The following STARD13 variants were observed in gnomAD, a reference collection of about 807,000 sequenced individuals.
STARD13 encodes the protein StAR related lipid transfer domain containing 13, also known as stAR-related lipid transfer protein 13.
Under a neutral mutation model 106.4 loss-of-function variants are expected in STARD13, and 62 were observed. The observed-to-expected ratio is 0.58, with a 90% CI of 0.48 to 0.72. STARD13 has a LOEUF of 0.72. Among genes scored for constraint, STARD13 ranks in the 30% least tolerant of loss-of-function variants. The pLI is 0.00. For synonymous variants in STARD13, 565 were observed against 553.0 expected (o/e 1.02, Z -0.31); for missense variants, 1,387 against 1,424.0 (o/e 0.97, Z 0.42).
At chr13:33,325,883 A>G (rs1052040836) in intron 1 of STARD13, among the ~76,000 whole-genome samples, 8 of 150,330 alleles carry the variant, frequency 5.3e-5, no homozygotes, top group African/African-American at 9.8e-5. Context: ...TACTTGGGAG[A>G]CTGAGGCAGG....
chr13:33,392,724 C>T, the STARD13 span, among the ~76,000 whole-genome samples: 20 of 152,292 alleles, frequency 1.3e-4, no homozygotes, highest in East Asian at 1.7e-3. Flanking sequence ...TACATTTATT[C>T]TATCACATCA....
At chr13:33,495,935 A>C in the STARD13 span, among the ~76,000 whole-genome samples, 1 of 143,704 alleles carries the variant, frequency 7.0e-6, no homozygotes, top group African/African-American at 2.5e-5. Flanking sequence ...ATTATTGTAT[A>C]TAATTATATT....
At chr13:33,626,372 A>C in the STARD13 span, among the ~76,000 whole-genome samples, 1 of 152,192 alleles carries the variant, frequency 6.6e-6, no homozygotes, top group African/African-American at 2.4e-5. Flanking sequence ...TTAGCTATAC[A>C]TGAATCTAAT....
chr13:33,663,105 G>T, the STARD13 span, among the ~76,000 whole-genome samples: 2 of 152,034 alleles, frequency 1.3e-5, no homozygotes, highest in South Asian at 2.1e-4. Flanking sequence ...TGGAGATAGG[G>T]TCTCATTCTG....
At chr13:33,638,842 G>T in the STARD13 span, among the ~76,000 whole-genome samples, 5 of 152,048 alleles carry the variant, frequency 3.3e-5, no homozygotes, top group African/African-American at 1.2e-4. Context: ...TTTATTTTTG[G>T]TTTATAATTT....
At chr13:33,480,622 T>A in the STARD13 span, among the ~76,000 whole-genome samples, 1 of 152,148 alleles carries the variant, frequency 6.6e-6, no homozygotes, top group Non-Finnish European at 1.5e-5. Flanking sequence ...AGAAGTACAC[T>A]GTAGTACTAA....
the STARD13 span, among the ~76,000 whole-genome samples, chr13:33,538,970 C>T: frequency 6.6e-6 from 1 of 152,048 alleles, no homozygotes; most frequent in Non-Finnish European, 1.5e-5. Flanking sequence ...GGGGTTTCAC[C>T]GTGTTTGCCA....
intron 1 of STARD13, among the ~76,000 whole-genome samples, chr13:33,266,960 G>A (rs558407058): frequency 4.6e-5 from 7 of 152,202 alleles, no homozygotes; most frequent in Middle Eastern, 6.8e-3. Context: ...GAGCTGATGC[G>A]GAAAAAGTGG....
chr13:33,425,520 T>C, the STARD13 span, among the ~76,000 whole-genome samples: 1 of 152,128 alleles, frequency 6.6e-6, no homozygotes, highest in Admixed American at 6.5e-5. Flanking sequence ...GGAGGTACAT[T>C]TTTGTTTATT....
chr13:33,291,167 C>T (rs554468002), intron 1 of STARD13, among the ~76,000 whole-genome samples: 9 of 152,184 alleles, frequency 5.9e-5, no homozygotes, highest in African/African-American at 1.7e-4. Context: ...CCACAGAGGA[C>T]CCCAAGCTAT....
the STARD13 span, among the ~76,000 whole-genome samples, chr13:33,641,002 C>A: frequency 6.6e-6 from 1 of 152,108 alleles, no homozygotes; most frequent in Non-Finnish European, 1.5e-5. Flanking sequence ...GGGAATTGTT[C>A]ATCTTTAGGC....
intron 1 of STARD13, among the ~76,000 whole-genome samples, chr13:33,252,052 C>T (rs1471036561): frequency 1.3e-5 from 2 of 152,206 alleles, no homozygotes; most frequent in Non-Finnish European, 2.9e-5. Context: ...AAATAAGATA[C>T]TCCTATCATT....
At chr13:33,113,128 G>C (rs1874861544) in intron 8 of STARD13, 197 bp from the exon 9 acceptor site, 1 of 551,918 alleles carries the variant, frequency 1.8e-6, no homozygotes, top group East Asian at 2.9e-5. Context: ...GCAGAGCTGA[G>C]TCCCAACCCT....
At chr13:33,474,279 G>A in the STARD13 span, among the ~76,000 whole-genome samples, 2 of 152,078 alleles carry the variant, frequency 1.3e-5, no homozygotes, top group African/African-American at 4.8e-5. Flanking sequence ...GGGGAGATAT[G>A]CCCTTTAAAA....
chr13:33,501,174 T>A, the STARD13 span, among the ~76,000 whole-genome samples: 1 of 147,490 alleles, frequency 6.8e-6, no homozygotes. Context: ...TCTCCCGGGT[T>A]CAAGCAATTC....
chr13:33,583,432 C>T, the STARD13 span, among the ~76,000 whole-genome samples: 1 of 152,176 alleles, frequency 6.6e-6, no homozygotes. Flanking sequence ...TCTTCAGCCC[C>T]TGGGGACTTC....
the STARD13 span, among the ~76,000 whole-genome samples, chr13:33,584,148 T>G: frequency 1.3e-5 from 2 of 152,364 alleles, no homozygotes; most frequent in East Asian, 3.9e-4. Flanking sequence ...TTGTCTTCTT[T>G]TCCTTTTTGA....
At chr13:33,163,869 T>C (rs1464404932) in intron 3 of STARD13, among the ~76,000 whole-genome samples, 2 of 151,122 alleles carry the variant, frequency 1.3e-5, no homozygotes, top group Admixed American at 1.3e-4. Context: ...CAAAAAAATA[T>C]GTGGTTAAAA....
the STARD13 span, among the ~76,000 whole-genome samples, chr13:33,561,451 T>G: frequency 6.6e-6 from 1 of 151,644 alleles, no homozygotes; most frequent in Admixed American, 6.6e-5. Flanking sequence ...ATCTTCTTAC[T>G]TTCTAATTGT....
Sources: gnomAD v4.1 joint callset for allele counts (sites outside exome capture counted in the v4.1 genomes callset) on GRCh38, gnomAD v4.1.1 for gene constraint, MANE v1.5 for transcripts, NCBI Gene and HGNC (gene_info 2026-07-23, HGNC 2026-07-21) for gene names.